The following NCAM2 variants were observed in gnomAD, a reference collection of about 807,000 sequenced individuals.
NCAM2 encodes the protein N-CAM-2.
In NCAM2, 30 loss-of-function variants were observed where a neutral mutation model predicts 98.1. The ratio of observed to expected loss-of-function variants is 0.31; its 90% CI spans 0.23 to 0.41. The LOEUF (loss-of-function observed/expected upper bound fraction) is 0.41, where lower values mean the gene tolerates loss of function less well. Ranked by LOEUF, NCAM2 falls within the 10% of genes least tolerant of loss-of-function variation. NCAM2 has a pLI of 1.00. For synonymous variants in NCAM2, 368 were observed against 342.4 expected, an observed-to-expected ratio of 1.07 and a Z score of -0.83; for missense variants, 867 against 1,005.8, an observed-to-expected ratio of 0.86 and a Z score of 1.87.
chr21:21,270,466 G>A (rs569606218), intron 1 of NCAM2, among the ~76,000 whole-genome samples: 1 of 152,240 alleles, frequency 6.6e-6, no homozygotes, highest in African/African-American at 2.4e-5. Context: ...AAAAATATGA[G>A]ACAGGTGGTC....
At chr21:21,071,870 C>CTGTCTGTCTGT (rs2065572823) in intron 1 of NCAM2, among the ~76,000 whole-genome samples, 1 of 138,074 alleles carries the variant, frequency 7.2e-6, no homozygotes, top group African/African-American at 2.7e-5. Context: ...GTCATGTCTG[C>CTGTCTGTCTGT]CTATCTATCT....
At chr21:21,208,584 T>C (rs1568770528) in intron 1 of NCAM2, among the ~76,000 whole-genome samples, 2 of 152,292 alleles carry the variant, frequency 1.3e-5, no homozygotes, top group South Asian at 2.1e-4. Context: ...GTTTCAGCTT[T>C]CATTCAGTGG....
intron 1 of NCAM2, among the ~76,000 whole-genome samples, chr21:21,203,574 G>A (rs530343236): frequency 6.6e-6 from 1 of 152,222 alleles, no homozygotes; most frequent in African/African-American, 2.4e-5. Context: ...TACAAATTTT[G>A]TATCATTCAT....
intron 16 of NCAM2, among the ~76,000 whole-genome samples, chr21:21,524,330 C>T (rs936871696): frequency 4.0e-5 from 6 of 150,078 alleles, no homozygotes; most frequent in African/African-American, 1.5e-4. Context: ...ATATGTGAGG[C>T]AAAAATTAAT....
At chr21:21,020,939 C>T (rs1242599781) in intron 1 of NCAM2, among the ~76,000 whole-genome samples, 3 of 151,982 alleles carry the variant, frequency 2.0e-5, no homozygotes, top group African/African-American at 4.8e-5. Flanking sequence ...AGACAAAGTC[C>T]GTTTATCCCT....
At chr21:21,020,475 A>G (rs1003090512) in intron 1 of NCAM2, among the ~76,000 whole-genome samples, 1 of 152,142 alleles carries the variant, frequency 6.6e-6, no homozygotes, top group Admixed American at 6.5e-5. Context: ...CTTCATCTGT[A>G]ACTCACCTGT....
chr21:21,374,188 C>T lies in NCAM2; in HGVS notation c.1195+175C>T, dbSNP rs75415862. Among the ~76,000 whole-genome samples the T allele has an allele frequency of 1.9e-4, 29 of 151,802 alleles. No individual in the cohort carries two copies. The East Asian group carries it at 4.1e-3, about 21-fold the overall frequency. On this transcript the variant is annotated intron_variant, in intron 9 of 17. Coordinates refer to ENST00000400546, the MANE Select transcript of NCAM2 (RefSeq NM_004540.5). ...TATTGGAGACATCTAGTGGAAATTACAGGATATTTCACAGTGCTGTATATT... is the reference window on the plus strand; with the variant it reads ...TATTGGAGACATCTAGTGGAAATTATAGGATATTTCACAGTGCTGTATATT...
At chr21:21,384,900 A>G (rs1394212015) in intron 9 of NCAM2, among the ~76,000 whole-genome samples, 1 of 152,072 alleles carries the variant, frequency 6.6e-6, no homozygotes, top group Non-Finnish European at 1.5e-5. Flanking sequence ...TTAGTGGGGT[A>G]TTGGGTTAGA....
At chr21:21,344,398 C>G (rs1329968286) in intron 8 of NCAM2, among the ~76,000 whole-genome samples, 1 of 152,148 alleles carries the variant, frequency 6.6e-6, no homozygotes, top group Non-Finnish European at 1.5e-5. Context: ...CTGTGGGTCA[C>G]TGTCCTGAAA....
At chr21:21,427,331 G>A (rs1174197909) in intron 11 of NCAM2, among the ~76,000 whole-genome samples, 1 of 152,084 alleles carries the variant, frequency 6.6e-6, no homozygotes, top group Non-Finnish European at 1.5e-5. Context: ...GAAAAATTTT[G>A]GAGAAGACAA....
Position 21,324,449 on chromosome 21 carries a change from C to G in NCAM2, c.686C>G (p.Thr229Arg). The change falls in exon 6 of 18, where the codon ACA becomes AGA. Residue 229 changes from threonine (T) to arginine (R), a missense_variant. Transcript: ENST00000400546. ...ACAGCAGAGAGAGGAGAAGAAATGA[C>G]ATTTTCCTGCAGGGCCTCAGGCTCT... ...NATAERGEEM[T>R]FSCRASGSPE... 6.2e-7 allele frequency: 1 copy of G among 1,613,714 alleles called. No individual in the cohort carries two copies. Among genetic ancestry groups the G allele is most frequent in the Non-Finnish European group, 8.5e-7 (1 of 1,179,772 alleles).
At chr21:21,072,955 A>G (rs1221010674) in intron 1 of NCAM2, among the ~76,000 whole-genome samples, 1 of 151,938 alleles carries the variant, frequency 6.6e-6, no homozygotes, top group Non-Finnish European at 1.5e-5. Context: ...CTGAAACTTC[A>G]TACCCATTAA....
intron 1 of NCAM2, among the ~76,000 whole-genome samples, chr21:21,036,773 T>C (rs1165562176): frequency 1.3e-5 from 2 of 152,166 alleles, no homozygotes; most frequent in African/African-American, 4.8e-5. Context: ...AGGCTTGTTA[T>C]GCAGACGATA....
chr21:21,270,926 T>G (rs2072473022), intron 1 of NCAM2, among the ~76,000 whole-genome samples: 1 of 152,056 alleles, frequency 6.6e-6, no homozygotes, highest in African/African-American at 2.4e-5. Flanking sequence ...AAACAGATAT[T>G]CTCATCTTCT....
At chr21:21,467,822 G>A (rs187413488) in intron 13 of NCAM2, among the ~76,000 whole-genome samples, 8 of 151,692 alleles carry the variant, frequency 5.3e-5, no homozygotes, top group Non-Finnish European at 1.2e-4. Flanking sequence ...ATCACACTAT[G>A]GAACTCCATC....
At chr21:21,165,730 T>C (rs1055181811) in intron 1 of NCAM2, among the ~76,000 whole-genome samples, 1 of 152,220 alleles carries the variant, frequency 6.6e-6, no homozygotes, top group Admixed American at 6.6e-5. Context: ...TATATTTTAA[T>C]CACATTTATA....
At chr21:21,396,218 A>G (rs950194260) in intron 9 of NCAM2, among the ~76,000 whole-genome samples, 2 of 152,206 alleles carry the variant, frequency 1.3e-5, no homozygotes, top group African/African-American at 4.8e-5. Flanking sequence ...GCAATTCTCA[A>G]AGAAGATATA....
intron 15 of NCAM2, among the ~76,000 whole-genome samples, chr21:21,497,464 C>A (rs1157066338): frequency 1.3e-5 from 2 of 152,038 alleles, no homozygotes; most frequent in Non-Finnish European, 2.9e-5. Context: ...CTTTTTCTTG[C>A]CCTGAATCAG....
chr21:21,276,502 G>T (rs2147467990), intron 1 of NCAM2, among the ~76,000 whole-genome samples: 1 of 152,020 alleles, frequency 6.6e-6, no homozygotes, highest in South Asian at 2.1e-4. Context: ...TGATATTTAT[G>T]GATAGCTATC....
Sources: gnomAD v4.1 joint callset for allele counts (sites outside exome capture counted in the v4.1 genomes callset) on GRCh38, gnomAD v4.1.1 for gene constraint, MANE v1.5 for transcripts, NCBI Gene and HGNC (gene_info 2026-07-23, HGNC 2026-07-21) for gene names.